BANP: variants seen among roughly 807,000 people sequenced by gnomAD.
The protein encoded by BANP is protein BANP.
Under a neutral mutation model 68.1 loss-of-function variants are expected in BANP, and 11 were observed. The ratio of observed to expected loss-of-function variants is 0.16; its 90% CI spans 0.10 to 0.27. The LOEUF (loss-of-function observed/expected upper bound fraction) is 0.27. Ranked by LOEUF, BANP falls within the 10% of genes least tolerant of loss-of-function variation. The pLI is 1.00. For synonymous variants in BANP, 329 were observed against 303.2 expected, an observed-to-expected ratio of 1.09 and a Z score of -0.88; for missense variants, 504 against 722.7, an observed-to-expected ratio of 0.70 and a Z score of 3.47.
At chr16:87,987,293 G>A (rs1398235820) in intron 4 of BANP, among the ~76,000 whole-genome samples, 4 of 152,118 alleles carry the variant, frequency 2.6e-5, no homozygotes, top group Admixed American at 2.0e-4. Flanking sequence ...TAGCCAGGCT[G>A]GTCTTGAACT....
At chr16:88,006,610 C>T (rs1289259436) in intron 6 of BANP, among the ~76,000 whole-genome samples, 1 of 144,072 alleles carries the variant, frequency 6.9e-6, no homozygotes, top group East Asian at 2.1e-4. Context: ...CATGCCATTG[C>T]ATCCAGCCTG....
chr16:88,014,353 T>C (rs1488790179), intron 6 of BANP, among the ~76,000 whole-genome samples: 1 of 151,674 alleles, frequency 6.6e-6, no homozygotes, highest in Non-Finnish European at 1.5e-5. Flanking sequence ...CGACACTGCC[T>C]TGAGGTGGAG....
At chr16:88,056,847 G>A (rs939406234) in intron 11 of BANP, among the ~76,000 whole-genome samples, 1 of 152,198 alleles carries the variant, frequency 6.6e-6, no homozygotes, top group Non-Finnish European at 1.5e-5. Context: ...TGAATACAAT[G>A]GCAACTGTTG....
intron 1 of BANP, among the ~76,000 whole-genome samples, chr16:87,961,414 C>CT (rs1555533496): frequency 1.4e-5 from 2 of 142,496 alleles, no homozygotes; most frequent in Middle Eastern, 3.6e-3. Flanking sequence ...TCTGCACCCC[C>CT]CCGGGCCTCC....
At chr16:88,075,870 C>G (rs532155511) in intron 13 of BANP, among the ~76,000 whole-genome samples, 1 of 151,566 alleles carries the variant, frequency 6.6e-6, no homozygotes, top group Admixed American at 6.6e-5. Context: ...CCTCAGCTTC[C>G]CTAGCAGCTG....
chr16:88,053,269 A>G (rs1490476834), intron 11 of BANP, among the ~76,000 whole-genome samples: 2 of 151,006 alleles, frequency 1.3e-5, no homozygotes, highest in Admixed American at 6.6e-5. Context: ...CTCCTTCACT[A>G]TCATCACCGT....
Position 88,057,999 on chromosome 16 carries a change from C to T in BANP, c.1312-7268C>T, listed in dbSNP as rs957576305. Among the ~76,000 whole-genome samples, 2 of 152,126 alleles carry T rather than the reference C, an allele frequency of 1.3e-5. No homozygotes were observed. The highest frequency in any genetic ancestry group is 2.4e-5 in the African/African-American group (1 of 41,430). The stretch of plus-strand genomic sequence containing the variant: ...CCTGCCCCCTTAAACTATGAAACGG[C>T]GGAGTTACACGGGAAGAAAGGGTTC... On this transcript the variant is annotated intron_variant, in intron 11 of 13. Transcript: ENST00000682872. This position sits in a 1 kb window ranked among gnomAD's most constrained non-coding sequence, Gnocchi z 4.6.
intron 6 of BANP, among the ~76,000 whole-genome samples, chr16:88,014,537 G>A (rs1483613664): frequency 2.6e-5 from 4 of 152,058 alleles, no homozygotes; most frequent in Non-Finnish European, 4.4e-5. Flanking sequence ...CTGAATTCTT[G>A]TCCAGTGTTT....
chr16:88,072,733 G>A (rs953704722), intron 13 of BANP, among the ~76,000 whole-genome samples: 3 of 152,238 alleles, frequency 2.0e-5, no homozygotes, highest in South Asian at 4.1e-4. Context: ...AGGCCGTGCC[G>A]AAATCTCCAG....
chr16:88,029,610 CAAA>C (rs60313647), intron 8 of BANP, among the ~76,000 whole-genome samples: 7 of 119,032 alleles, frequency 5.9e-5, no homozygotes, highest in Admixed American at 8.1e-5. Context: ...GACTCCGTCT[CAAA>C]AAAAAAAAAA....
intron 4 of BANP, among the ~76,000 whole-genome samples, chr16:87,999,258 G>A (rs1179193699): frequency 7.4e-6 from 1 of 134,646 alleles, no homozygotes. Context: ...GTACTTACCT[G>A]TCCTTCCAGA....
chr16:88,009,692 C>G (rs1383944791), intron 6 of BANP, among the ~76,000 whole-genome samples: 2 of 151,544 alleles, frequency 1.3e-5, no homozygotes, highest in African/African-American at 2.4e-5. Context: ...TAGACTGTGT[C>G]TCATTAGAAT....
intron 7 of BANP, among the ~76,000 whole-genome samples, chr16:88,020,243 A>G (rs2075742589): frequency 6.6e-6 from 1 of 152,224 alleles, no homozygotes; most frequent in South Asian, 2.1e-4. Flanking sequence ...CTCTGAAAGC[A>G]GCCACAGACG....
intron 1 of BANP, among the ~76,000 whole-genome samples, chr16:87,955,772 CATA>C (rs2057922475): frequency 6.6e-6 from 1 of 152,196 alleles, no homozygotes; most frequent in Admixed American, 6.5e-5. Context: ...CACCATCAGT[CATA>C]AGACGTTGAC....
At chr16:88,075,508 A>T (rs2091406852) in intron 13 of BANP, among the ~76,000 whole-genome samples, 1 of 152,168 alleles carries the variant, frequency 6.6e-6, no homozygotes, top group Non-Finnish European at 1.5e-5. Flanking sequence ...ATCTCTAAAA[A>T]ATAAAATGAA....
intron 1 of BANP, among the ~76,000 whole-genome samples, chr16:87,972,455 G>A (rs1443438495): frequency 7.7e-6 from 1 of 129,660 alleles, no homozygotes; most frequent in African/African-American, 3.7e-5. Context: ...GTCTTTTTGG[G>A]GGATATATGT....
chr16:88,024,387 G>T (rs117702013), intron 7 of BANP, among the ~76,000 whole-genome samples: 1 of 152,066 alleles, frequency 6.6e-6, no homozygotes, highest in East Asian at 1.9e-4. Flanking sequence ...ACTTCATGAG[G>T]CTTTTAAAAA....
At chr16:87,976,519 C>A (rs983486798) in intron 2 of BANP, among the ~76,000 whole-genome samples, 12 of 46,060 alleles carry the variant, frequency 2.6e-4, no homozygotes, top group African/African-American at 1.4e-3. Flanking sequence ...TTTTATTGTT[C>A]TGTTAAGTTT....
rs556734594 is a variant in BANP at position 88,016,515 on chromosome 16, G to T, written c.656-1913G>T. On this transcript the variant is annotated intron_variant, in intron 6 of 13. Coordinates refer to ENST00000682872, the MANE Select transcript of BANP (RefSeq NM_001386991.1). ...GCTGCTGACCAGGGCCTGCGCCGCT[G>T]TGTTCGATGACATTGACCCGTGACT... Among the ~76,000 whole-genome samples the T allele has an allele frequency of 2.2e-4, 34 of 152,214 alleles. 1 individual carries two copies. Among genetic ancestry groups the T allele is most frequent in the Non-Finnish European group, 3.2e-4 (22 of 68,046 alleles).
Sources: allele counts gnomAD v4.1 joint callset (sites outside exome capture counted in the v4.1 genomes callset), GRCh38; gene constraint gnomAD v4.1.1; non-coding constraint Gnocchi (gnomAD v3.1); transcripts MANE v1.5; gene names NCBI Gene and HGNC (gene_info 2026-07-23, HGNC 2026-07-21).